The following URB1 variants were observed in gnomAD, a reference collection of about 807,000 sequenced individuals.
URB1 encodes URB1 ribosome biogenesis factor.
A neutral mutation model predicts 242.3 loss-of-function variants in URB1; 197 were observed. The ratio of observed to expected loss-of-function variants is 0.81; its 90% CI spans 0.72 to 0.91. The LOEUF is 0.91. Ranked by LOEUF, URB1 falls within the 40% of genes least tolerant of loss-of-function variation. URB1 has a pLI of 0.00. For missense variants in URB1, 2,721 were observed against 2,860.5 expected (o/e 0.95, Z 1.11); for synonymous variants, 1,153 against 1,201.8 (o/e 0.96, Z 0.84).
intron 4 of URB1, among the ~76,000 whole-genome samples, chr21:32,379,983 A>G (rs1046178820): frequency 1.3e-5 from 2 of 152,116 alleles, no homozygotes; most frequent in African/African-American, 4.8e-5. Flanking sequence ...CATCTCAAAA[A>G]AAAAAAAAAA....
At position 32,392,771 on chromosome 21, in the gene URB1, G is replaced by T; in HGVS notation, c.140C>A (p.Pro47Gln). ...TGCGCCTGCCGCCCCGGACTCACCTGGCCCGGGGCCCTGCGGGTCCTTCAG... is the reference window on the plus strand; with the variant it reads ...TGCGCCTGCCGCCCCGGACTCACCTTGCCCGGGGCCCTGCGGGTCCTTCAG... ...AQLKDPQGPG[P>Q]GLEAFVSAAK... The change falls in exon 1 of 39, where the codon CCA becomes CAA. Residue 47 changes from proline (P) to glutamine (Q), a missense_variant and splice_region_variant. By Grantham distance (76) the Pro-to-Gln change is moderately conservative (BLOSUM62 -1). Transcript: ENST00000382751. The T allele has an allele frequency of 6.8e-7, 1 of 1,477,024 alleles. No individual in the cohort carries two copies. Among genetic ancestry groups the T allele is most frequent in the Non-Finnish European group, 9.0e-7 (1 of 1,113,040 alleles). The allele number at this position is 1,477,024 out of a possible 1,614,324, so 91.5% of individuals were successfully genotyped here. A position where few individuals can be genotyped will look rare whatever the true frequency, so the allele number is the denominator to read the frequency against.
Position 32,372,509 on chromosome 21 carries a change from G to C in URB1, c.999C>G (p.Gly333=), listed in dbSNP as rs1297487185. 3.2e-6 allele frequency: 5 copies of C among 1,550,940 alleles called. No individual in the cohort carries two copies. The highest frequency in any genetic ancestry group is 2.6e-6 in the Non-Finnish European group (3 of 1,146,940). Residue 333 remains glycine, a splice_region_variant and synonymous_variant, in exon 8 of 39, where the codon GGC becomes GGG. Transcript: ENST00000382751. ...NFYDASLGTF[G]RGGNLTLLHF... is the part of the protein sequence containing the mutation. Reference sequence around the variant, plus strand: ...TCCACAAGAGTGTTATACTTTACCTGCCAAAGGTACCCAAAGATGCATCGT... The same window carrying C: ...TCCACAAGAGTGTTATACTTTACCTCCCAAAGGTACCCAAAGATGCATCGT...
intron 3 of URB1, 31 bp from the exon 4 acceptor site, chr21:32,383,585 G>T (rs1468835487): frequency 6.5e-7 from 1 of 1,540,614 alleles, no homozygotes. Context: ...AATCGGACAC[G>T]TCAACAACAG....
At chr21:32,338,603 T>G (rs1172285442) in intron 26 of URB1, 104 bp downstream of exon 26, 1 of 1,304,748 alleles carries the variant, frequency 7.7e-7, no homozygotes, top group South Asian at 1.3e-5. Context: ...CAATGCTTCC[T>G]TAGCTCCGAG....
intron 35 of URB1, 65 bp from the exon 36 acceptor site, chr21:32,319,479 G>T: frequency 3.6e-6 from 5 of 1,401,454 alleles, no homozygotes; most frequent in Non-Finnish European, 4.7e-6. Context: ...TCAGACTATC[G>T]CCCTCCATAA....
intron 21 of URB1, 137 bp downstream of exon 21, chr21:32,349,167 T>G: frequency 8.1e-7 from 1 of 1,232,166 alleles, no homozygotes; most frequent in African/African-American, 1.6e-5. Flanking sequence ...TGCCAGGAAG[T>G]TTTTATGATC....
At chr21:32,375,783 A>AC (rs1002751337) in intron 5 of URB1, among the ~76,000 whole-genome samples, 1 of 152,018 alleles carries the variant, frequency 6.6e-6, no homozygotes, top group Non-Finnish European at 1.5e-5. Context: ...TGTCTCCAAA[A>AC]AAAAATTTAA....
chr21:32,355,470 A>G lies in URB1; in HGVS notation c.2085T>C (p.Thr695=), dbSNP rs1001508715. The G allele has an allele frequency of 1.3e-6, 2 of 1,551,790 alleles. No homozygotes were observed. The highest frequency in any genetic ancestry group is 1.7e-6 in the Non-Finnish European group (2 of 1,147,026). Residue 695 remains threonine (T), a synonymous_variant, in exon 16 of 39, where the codon ACT becomes ACC. Coordinates refer to ENST00000382751, the MANE Select transcript of URB1 (RefSeq NM_014825.3). ...LENTMEEDKE[T]VIQFLERILL... ...TTACGCGTTCCAGAAACTGAATCAC[A>G]GTCTCTTTGTCCTCTTCCATGGTGT... is the stretch of plus-strand genomic sequence containing the variant.
At chr21:32,377,747 C>T (rs1353465385) in intron 5 of URB1, among the ~76,000 whole-genome samples, 1 of 152,058 alleles carries the variant, frequency 6.6e-6, no homozygotes, top group African/African-American at 2.4e-5. Context: ...GGCTGGAGAC[C>T]CAAACACCCT....
At chr21:32,324,080 T>G (rs1156608542) in intron 32 of URB1, among the ~76,000 whole-genome samples, 1 of 152,244 alleles carries the variant, frequency 6.6e-6, no homozygotes, top group Non-Finnish European at 1.5e-5. Context: ...CAGGACCGTC[T>G]GGCTGTGTCC....
chr21:32,345,335 G>A (rs774545167), intron 23 of URB1, 39 bp downstream of exon 23: 14 of 1,533,504 alleles, frequency 9.1e-6, no homozygotes, highest in African/African-American at 4.1e-5. Flanking sequence ...AAATGACACC[G>A]AGAGTGGAAC....
intron 10 of URB1, among the ~76,000 whole-genome samples, chr21:32,366,017 G>A (rs926505747): frequency 1.3e-5 from 2 of 152,198 alleles, no homozygotes; most frequent in African/African-American, 4.8e-5. Flanking sequence ...ATGATGCTGC[G>A]GTGAAAGACA....
At chr21:32,372,108 T>C (rs1243608191) in intron 8 of URB1, among the ~76,000 whole-genome samples, 2 of 152,228 alleles carry the variant, frequency 1.3e-5, no homozygotes, top group African/African-American at 4.8e-5. Flanking sequence ...TCGACCTCTC[T>C]AGAACTACTT....
intron 1 of URB1, among the ~76,000 whole-genome samples, chr21:32,389,924 A>G (rs1237563119): frequency 6.6e-6 from 1 of 152,196 alleles, no homozygotes. Context: ...ACACGAAGGG[A>G]GCATCATCAG....
chr21:32,315,903 A>G (rs1029235925), intron 38 of URB1, among the ~76,000 whole-genome samples: 3 of 151,950 alleles, frequency 2.0e-5, no homozygotes, highest in African/African-American at 4.8e-5. Flanking sequence ...GAAAGGACAG[A>G]CCTCTGGGTT....
At chr21:32,324,882 G>A (rs1439334099) in intron 31 of URB1, among the ~76,000 whole-genome samples, 1 of 152,160 alleles carries the variant, frequency 6.6e-6, no homozygotes, top group Non-Finnish European at 1.5e-5. Context: ...CCAGCACCAT[G>A]GGGTACAGGT....
intron 35 of URB1, 71 bp downstream of exon 35, chr21:32,320,460 G>A (rs2032750949): frequency 8.8e-7 from 1 of 1,134,802 alleles, no homozygotes; most frequent in Non-Finnish European, 1.3e-6. Context: ...AACAGAGCTG[G>A]CAGCAGACGT....
In URB1 at chr21:32,361,057, A is replaced by G; in HGVS notation, c.1706T>C (p.Val569Ala). Residue 569 changes from valine to alanine, a missense_variant, in exon 13 of 39, where the codon GTC becomes GCC. Coordinates refer to ENST00000382751, the MANE Select transcript of URB1 (RefSeq NM_014825.3). ...GTTGTACTGCATGACCACGTGGGGG[A>G]CCACCTTCTGGTAGAGGCATATGAC... Reference protein sequence around the residue: ...LQVICLYQKVVPHVVMQYNFD... With the variant: ...LQVICLYQKVAPHVVMQYNFD... The G allele has an allele frequency of 6.4e-7, 1 of 1,551,314 alleles. No individual in the cohort carries two copies. Among genetic ancestry groups the G allele is most frequent in the Non-Finnish European group, 8.7e-7 (1 of 1,146,912 alleles).
At chr21:32,339,768 G>A (rs555768252) in intron 25 of URB1, among the ~76,000 whole-genome samples, 51 of 152,318 alleles carry the variant, frequency 3.3e-4, no homozygotes, top group African/African-American at 1.2e-3. Context: ...TGGGATTACA[G>A]GCGTGAGCCA....
Sources: gnomAD v4.1 joint callset for allele counts (sites outside exome capture counted in the v4.1 genomes callset) on GRCh38, gnomAD v4.1.1 for gene constraint, MANE v1.5 for transcripts, NCBI Gene and HGNC (gene_info 2026-07-23, HGNC 2026-07-21) for gene names.